Variants in LMCD1 observed in about 807,000 individuals in gnomAD.
The protein encoded by LMCD1 is LIM and cysteine rich domains 1.
LMCD1 carries 32 observed loss-of-function variants against 42.7 expected under a neutral mutation model. The ratio of observed to expected loss-of-function variants is 0.75; its 90% confidence interval spans 0.57 to 1.01. LMCD1 has a LOEUF of 1.01. LMCD1 is among the 50% of genes least tolerant of loss of function. The pLI, the probability that LMCD1 is intolerant of heterozygous loss-of-function variation, is 0.00. For synonymous variants in LMCD1, 178 were observed against 184.9 expected (o/e 0.96, Z 0.30); for missense variants, 458 against 483.1 (o/e 0.95, Z 0.49).
intron 4 of LMCD1, 45 bp from the exon 5 acceptor site, chr3:8,565,387 T>G (rs574002386): frequency 6.5e-7 from 1 of 1,544,004 alleles, no homozygotes; most frequent in East Asian, 2.3e-5. Flanking sequence ...GTCACTGTGC[T>G]CTCCTGACTT....
chr3:8,567,602 GCTGCCCACCCAC>G lies in LMCD1; in HGVS notation c.*5_*16del. ...CAGCAAGTCCAAACGCTCCTGAAGG[GCTGCCCACCCAC>G]AGCCAGAATCCACAGGATCCCACCG... is the stretch of plus-strand genomic sequence containing the variant. On this transcript the variant is annotated 3_prime_UTR_variant, in exon 6 of 6. Transcript: ENST00000157600. 1 of 1,610,780 alleles carries G rather than the reference GCTGCCCACCCAC, an allele frequency of 6.2e-7. No individual in the cohort carries two copies.
Position 8,522,002 on chromosome 3 carries a change from C to CT in LMCD1, c.43-10734dup, listed in dbSNP as rs796298020. On this transcript the variant is annotated intron_variant, in intron 1 of 5. Coordinates refer to ENST00000157600, the MANE Select transcript of LMCD1 (RefSeq NM_014583.4). Reference sequence around the variant, plus strand: ...ACCCCTCAAAAGGAAGCACAGGCTTCTATACACTTACTTCTTTCATGGCCC... The same window carrying CT: ...ACCCCTCAAAAGGAAGCACAGGCTTCTTATACACTTACTTCTTTCATGGCCC... Among the ~76,000 whole-genome samples, 32 of 152,174 alleles carry CT rather than the reference C, an allele frequency of 2.1e-4. 2 individuals are homozygous for CT. Among genetic ancestry groups the CT allele is most frequent in the African/African-American group, 7.7e-4 (32 of 41,504 alleles).
chr3:8,503,355 G>T (rs1467715349), intron 1 of LMCD1, among the ~76,000 whole-genome samples: 2 of 152,176 alleles, frequency 1.3e-5, no homozygotes, highest in Non-Finnish European at 2.9e-5. Context: ...CCTTCTAAAT[G>T]TGGGTACCAA....
intron 3 of LMCD1, among the ~76,000 whole-genome samples, chr3:8,540,125 G>A (rs569845466): frequency 1.3e-3 from 192 of 152,034 alleles, no homozygotes; most frequent in African/African-American, 4.4e-3. Flanking sequence ...GCAAATTATC[G>A]CAAGGACAGA....
At chr3:8,529,965 C>T (rs76600377) in intron 1 of LMCD1, among the ~76,000 whole-genome samples, 4,438 of 152,204 alleles carry the variant, frequency 0.029, 122 homozygotes, top group African/African-American at 0.07. Context: ...ATCCCCATGA[C>T]GCAGGTCATG....
intron 1 of LMCD1, chr3:8,514,896 C>T: frequency 2.2e-6 from 1 of 454,530 alleles, no homozygotes; most frequent in Non-Finnish European, 4.4e-6. Flanking sequence ...CTTTCTGGGC[C>T]ACTGAAAATA....
intron 3 of LMCD1, among the ~76,000 whole-genome samples, chr3:8,545,004 T>C (rs1169915802): frequency 1.3e-5 from 2 of 152,162 alleles, no homozygotes; most frequent in African/African-American, 4.8e-5. Flanking sequence ...AAAACAAATA[T>C]ATAAATGAGG....
intron 4 of LMCD1, among the ~76,000 whole-genome samples, chr3:8,552,705 G>A (rs1375281209): frequency 6.6e-6 from 1 of 152,186 alleles, no homozygotes; most frequent in East Asian, 1.9e-4. Flanking sequence ...TTTTCCAGAT[G>A]TATTTGGCCT....
At chr3:8,527,170 G>C (rs1694316895) in intron 1 of LMCD1, among the ~76,000 whole-genome samples, 1 of 152,214 alleles carries the variant, frequency 6.6e-6, no homozygotes, top group African/African-American at 2.4e-5. Flanking sequence ...TTTGGCATGT[G>C]CCTGGCACAT....
chr3:8,567,342 G>A, intron 5 of LMCD1, 98 bp from the exon 6 acceptor site: 1 of 1,237,552 alleles, frequency 8.1e-7, no homozygotes, highest in Non-Finnish European at 1.1e-6. Context: ...AACAAGAATA[G>A]GATGGGATGA....
At chr3:8,560,790 G>A (rs3774214) in intron 4 of LMCD1, among the ~76,000 whole-genome samples, 1 of 152,016 alleles carries the variant, frequency 6.6e-6, no homozygotes, top group African/African-American at 2.4e-5. Flanking sequence ...AGAGGAACAG[G>A]GTTTTCATTT....
At position 8,502,299 on chromosome 3, in the gene LMCD1, TATATAATATATAAAA is replaced by T. The variant is rs1559342032; in HGVS notation, c.42+320_42+334del. On this transcript the variant is annotated intron_variant, in intron 1 of 5. Coordinates refer to ENST00000157600, the MANE Select transcript of LMCD1 (RefSeq NM_014583.4). ...TATAAAATATATATAATATATATTA[TATATAATATATAAAA>T]TATATATTATATATAATATATATTA... Among the ~76,000 whole-genome samples the T allele has an allele frequency of 2.1e-3, 51 of 24,116 alleles. 1 individual carries two copies. Among genetic ancestry groups the T allele is most frequent in the African/African-American group, 8.0e-3 (50 of 6,282 alleles). The allele number at this position is 24,116 out of a possible 152,430, so 15.8% of individuals were successfully genotyped here.
intron 1 of LMCD1, among the ~76,000 whole-genome samples, chr3:8,509,269 T>A (rs1249042577): frequency 6.6e-6 from 1 of 152,166 alleles, no homozygotes; most frequent in Admixed American, 6.5e-5. Flanking sequence ...GCTTCTAAGC[T>A]CTCAGACTGC....
At chr3:8,547,243 C>T (rs1694754587) in intron 3 of LMCD1, among the ~76,000 whole-genome samples, 1 of 152,202 alleles carries the variant, frequency 6.6e-6, no homozygotes, top group Non-Finnish European at 1.5e-5. Context: ...AAGATTGTTC[C>T]CTGTCCCACA....
chr3:8,561,470 G>A (rs1695034740), intron 4 of LMCD1, among the ~76,000 whole-genome samples: 1 of 152,048 alleles, frequency 6.6e-6, no homozygotes, highest in African/African-American at 2.4e-5. Flanking sequence ...CTGAATTGGA[G>A]GGCAAATGTA....
At chr3:8,518,284 G>A (rs1360014489) in intron 1 of LMCD1, among the ~76,000 whole-genome samples, 2 of 152,198 alleles carry the variant, frequency 1.3e-5, no homozygotes, top group Admixed American at 1.3e-4. Flanking sequence ...CTCACTGATT[G>A]CCTTGAGTTT....
At position 8,574,594 on chromosome 3, in the gene LMCD1, GTAT is replaced by G. The variant is rs1198473579; in HGVS notation, c.*6999_*7001del. On this transcript the variant is annotated 3_prime_UTR_variant, in exon 6 of 6. Transcript: ENST00000157600. ...TATAATGCCACTAAAATTCTCATTT[GTAT>G]TAATTTTTTTTAATTACTGGCAAGA... 1 of 152,134 alleles carries G rather than the reference GTAT, an allele frequency of 6.6e-6. No homozygotes were observed. Among genetic ancestry groups the G allele is most frequent in the African/African-American group, 2.4e-5 (1 of 41,436 alleles). The allele number at this position is 152,134 out of a possible 1,614,324, so 9.4% of individuals were successfully genotyped here.
chr3:8,552,788 G>A (rs1420567047), intron 4 of LMCD1, among the ~76,000 whole-genome samples: 17 of 152,104 alleles, frequency 1.1e-4, no homozygotes, highest in African/African-American at 3.6e-4. Context: ...CAGTGGCACA[G>A]TCTCGGCTCA....
At chr3:8,532,343 A>G (rs1252313398) in intron 1 of LMCD1, among the ~76,000 whole-genome samples, 1 of 152,218 alleles carries the variant, frequency 6.6e-6, no homozygotes, top group Non-Finnish European at 1.5e-5. Flanking sequence ...TCACAAATAA[A>G]TGAGGGAGAG....
Sources: allele counts gnomAD v4.1 joint callset (sites outside exome capture counted in the v4.1 genomes callset), GRCh38; gene constraint gnomAD v4.1.1; transcripts MANE v1.5; gene names NCBI Gene and HGNC (gene_info 2026-07-23, HGNC 2026-07-21).